Variants in MOXD1 observed in about 807,000 individuals in gnomAD.
MOXD1 encodes the protein monooxygenase DBH like 1, also known as DBH-like monooxygenase protein 1.
A neutral mutation model predicts 66.6 loss-of-function variants in MOXD1; 62 were observed. That is an observed-to-expected ratio of 0.93 (90% CI 0.76 to 1.15). The LOEUF (loss-of-function observed/expected upper bound fraction) is 1.15. MOXD1 is among the 50% of genes most tolerant of loss of function. The probability of loss-of-function intolerance (pLI) is 0.00; values close to 1 mark genes in which losing one functional copy is unlikely to be tolerated. For missense variants in MOXD1, 847 were observed against 754.6 expected (o/e 1.12, Z -1.44); for synonymous variants, 303 against 281.9 (o/e 1.07, Z -0.75).
intron 4 of MOXD1, among the ~76,000 whole-genome samples, chr6:132,352,316 T>G (rs1775817393): frequency 6.6e-6 from 1 of 152,130 alleles, no homozygotes; most frequent in Non-Finnish European, 1.5e-5. Flanking sequence ...ATCCCACAGA[T>G]TTTGATAGGT....
intron 4 of MOXD1, among the ~76,000 whole-genome samples, chr6:132,351,800 A>T (rs1775807511): frequency 6.6e-6 from 1 of 152,228 alleles, no homozygotes; most frequent in Middle Eastern, 3.4e-3. Flanking sequence ...TTATCCTTTC[A>T]ATCTCACTGC....
Position 132,321,126 on chromosome 6 carries a change from G to A in MOXD1, c.1306-438C>T, listed in dbSNP as rs934184968. 2.6e-5 allele frequency among the ~76,000 whole-genome samples: 4 copies of A among 152,200 alleles called. No individual in the cohort carries two copies. The East Asian group carries it at 5.8e-4, about 22-fold the overall frequency. Reference sequence around the variant, plus strand: ...CTAAAAATACAAAAATTAGCCAGGCGTGGTTGCGGGCACCTTTAATTCCAG... The same window carrying A: ...CTAAAAATACAAAAATTAGCCAGGCATGGTTGCGGGCACCTTTAATTCCAG... On this transcript the variant is annotated intron_variant, in intron 8 of 11. Coordinates refer to ENST00000367963, the MANE Select transcript of MOXD1 (RefSeq NM_015529.4).
At chr6:132,378,020 C>T (rs11967847) in intron 1 of MOXD1, among the ~76,000 whole-genome samples, 19,292 of 151,868 alleles carry the variant, frequency 0.13, 1,811 homozygotes, top group East Asian at 0.45. Flanking sequence ...CCCAACTACA[C>T]GGGAGGCTGA....
chr6:132,358,568 G>C (rs932007991), intron 4 of MOXD1, among the ~76,000 whole-genome samples: 3 of 152,146 alleles, frequency 2.0e-5, no homozygotes, highest in Non-Finnish European at 4.4e-5. Flanking sequence ...ATCTTGAGAA[G>C]ATATGAATTG....
At chr6:132,362,243 C>T (rs1021342261) in intron 4 of MOXD1, among the ~76,000 whole-genome samples, 4 of 151,962 alleles carry the variant, frequency 2.6e-5, no homozygotes, top group Admixed American at 1.3e-4. Context: ...TAATTTTATT[C>T]GTATATATTT....
chr6:132,398,536 G>A (rs1429074462), intron 1 of MOXD1, among the ~76,000 whole-genome samples: 11 of 152,050 alleles, frequency 7.2e-5, no homozygotes, highest in Non-Finnish European at 1.0e-4. Context: ...TTGATGCCCC[G>A]GGAGCCAATG....
chr6:132,317,241 A>G (rs189725846), intron 9 of MOXD1, among the ~76,000 whole-genome samples: 81 of 152,292 alleles, frequency 5.3e-4, no homozygotes, highest in Non-Finnish European at 9.3e-4. Flanking sequence ...TATTGTTTAT[A>G]TTCTAAATTA....
intron 8 of MOXD1, among the ~76,000 whole-genome samples, chr6:132,321,237 C>T (rs1380043403): frequency 2.0e-5 from 3 of 149,886 alleles, no homozygotes; most frequent in South Asian, 2.1e-4. Context: ...GTACTCCAGC[C>T]GGGGTGACAG....
chr6:132,374,200 T>C (rs1254552777), intron 2 of MOXD1, among the ~76,000 whole-genome samples: 1 of 152,224 alleles, frequency 6.6e-6, no homozygotes, highest in Non-Finnish European at 1.5e-5. Context: ...ATCAGCCACC[T>C]ATTCATCTTG....
chr6:132,380,493 TGCTAAG>T (rs1776485649), intron 1 of MOXD1, among the ~76,000 whole-genome samples: 1 of 152,230 alleles, frequency 6.6e-6, no homozygotes, highest in Non-Finnish European at 1.5e-5. Flanking sequence ...CTCTTTTTCC[TGCTAAG>T]GCTCATGATT....
At chr6:132,353,480 A>T (rs372986130) in intron 4 of MOXD1, among the ~76,000 whole-genome samples, 6 of 152,324 alleles carry the variant, frequency 3.9e-5, no homozygotes, top group Admixed American at 3.3e-4. Context: ...AGGATTCTGA[A>T]GATAAAGCCT....
intron 4 of MOXD1, among the ~76,000 whole-genome samples, chr6:132,342,441 A>G (rs1033460370): frequency 3.9e-4 from 59 of 152,232 alleles, no homozygotes; most frequent in Non-Finnish European, 1.0e-4. Context: ...CAATTATTTC[A>G]TATGCAAATT....
Position 132,349,454 on chromosome 6 carries a change from T to TATAC in MOXD1, c.664-20861_664-20860insGTAT, listed in dbSNP as rs1562290076. ...ATATATACATATATATATATATACA[T>TATAC]ATATATATATACATATATATATATA... On this transcript the variant is annotated intron_variant, in intron 4 of 11. Transcript: ENST00000367963. Among the ~76,000 whole-genome samples, 9 of 25,520 alleles carry TATAC rather than the reference T, an allele frequency of 3.5e-4. 2 individuals carry two copies. Among genetic ancestry groups the TATAC allele is most frequent in the African/African-American group, 1.9e-3 (9 of 4,634 alleles). 16.7% of individuals were successfully genotyped at this position (25,520 alleles called of 152,430 possible). A position where few individuals can be genotyped will look rare whatever the true frequency, so the allele number is the denominator to read the frequency against.
At chr6:132,361,276 G>T (rs1269269882) in intron 4 of MOXD1, among the ~76,000 whole-genome samples, 2 of 151,228 alleles carry the variant, frequency 1.3e-5, no homozygotes, top group African/African-American at 4.9e-5. Flanking sequence ...ACTCAGCTGT[G>T]GTTACAGGAA....
At chr6:132,308,652 C>T (rs1470742970) in intron 10 of MOXD1, among the ~76,000 whole-genome samples, 1 of 152,122 alleles carries the variant, frequency 6.6e-6, no homozygotes, top group Non-Finnish European at 1.5e-5. Context: ...TCCAGCAGCA[C>T]ATCAAAAAAC....
chr6:132,328,652 C>T, intron 4 of MOXD1, 58 bp from the exon 5 acceptor site: 2 of 1,485,672 alleles, frequency 1.3e-6, no homozygotes, highest in Non-Finnish European at 1.8e-6. Context: ...TACAACATCC[C>T]ACAACAAACG....
intron 10 of MOXD1, among the ~76,000 whole-genome samples, chr6:132,310,921 C>G (rs1200407185): frequency 6.6e-6 from 1 of 152,052 alleles, no homozygotes; most frequent in Admixed American, 6.6e-5. Context: ...ACTCGTATAC[C>G]TATGTAACAA....
Position 132,315,763 on chromosome 6 carries a change from G to A in MOXD1, c.1380C>T (p.Thr460=). The change falls in exon 10 of 12, where the codon ACC becomes ACT. Residue 460 remains threonine, a synonymous_variant. Coordinates refer to ENST00000367963, the MANE Select transcript of MOXD1 (RefSeq NM_015529.4). ...GGTATGAGAGACACATTTCACTCCTGGTGCTTAGTCCTCCCTGAAAACAGA... is the reference window on the plus strand; with the variant it reads ...GGTATGAGAGACACATTTCACTCCTAGTGCTTAGTCCTCCCTGAAAACAGA... ...RAEMTWGGLS[T]RSEMCLSYLL... 1 of 1,613,238 alleles carries A rather than the reference G, an allele frequency of 6.2e-7. No individual in the cohort carries two copies. The highest frequency in any genetic ancestry group is 1.1e-5 in the South Asian group (1 of 90,976).
intron 1 of MOXD1, 196 bp from the exon 2 acceptor site, chr6:132,374,973 G>C: frequency 1.6e-6 from 1 of 617,970 alleles, no homozygotes; most frequent in Non-Finnish European, 2.8e-6. Flanking sequence ...GGCCTTTCAG[G>C]AAAGCATAGT....
Sources: allele counts gnomAD v4.1 joint callset (sites outside exome capture counted in the v4.1 genomes callset), GRCh38; gene constraint gnomAD v4.1.1; transcripts MANE v1.5; gene names NCBI Gene and HGNC (gene_info 2026-07-23, HGNC 2026-07-21).